The following NEBL variants were observed in gnomAD, a reference collection of about 807,000 sequenced individuals.
NEBL encodes the protein LIM and SH3 protein 2.
Under a neutral mutation model 140.2 loss-of-function variants are expected in NEBL, and 122 were observed. The ratio of observed to expected loss-of-function variants is 0.87; its 90% CI spans 0.75 to 1.01. NEBL has a LOEUF of 1.01. Among genes scored for constraint, NEBL ranks in the 50% least tolerant of loss-of-function variants. NEBL has a pLI of 0.00. For missense variants in NEBL, 1,365 were observed against 1,231.3 expected, an observed-to-expected ratio of 1.11 and a Z score of -1.62; for synonymous variants, 436 against 398.9, an observed-to-expected ratio of 1.09 and a Z score of -1.11.
At chr10:20,854,877 C>T (rs748957596) in intron 9 of NEBL, among the ~76,000 whole-genome samples, 9 of 151,974 alleles carry the variant, frequency 5.9e-5, no homozygotes, top group Non-Finnish European at 8.8e-5. Flanking sequence ...CAGAGTACAT[C>T]GTGATGGAAG....
rs140943705 is a variant in NEBL at position 20,868,691 on chromosome 10, G to A, written c.657C>T (p.Ala219=). The A allele has an allele frequency of 1.7e-5, 28 of 1,611,602 alleles. No homozygotes were observed. Among genetic ancestry groups the A allele is most frequent in the African/African-American group, 2.7e-5 (2 of 74,912 alleles). Residue 219 remains alanine, a synonymous_variant, in exon 7 of 28, where the codon GCC becomes GCT. Transcript: ENST00000377122. Reference sequence around the variant, plus strand: ...GACTAGAAAGTTTAGAAGCTTCCACGGCATGTTCAAAATCTGGTCTTCCAA... The same window carrying A: ...GACTAGAAAGTTTAGAAGCTTCCACAGCATGTTCAAAATCTGGTCTTCCAA... ...AVIGRPDFEH[A]VEASKLSSQI... is the part of the protein sequence containing the mutation.
At position 20,817,627 on chromosome 10, in the gene NEBL, T is replaced by C; in HGVS notation, c.2121A>G (p.Ala707=). ...AISDPPELKR[A]KENQKNISNV... is the part of the protein sequence containing the mutation. ...TGCTGATGTTTTTCTGGTTTTCTTT[T>C]GCCCTCTTCAGCTCTGGTGGATCAG... Residue 707 remains alanine (A), a synonymous_variant, in exon 21 of 28, where the codon GCA becomes GCG. Transcript: ENST00000377122. 1 of 1,613,908 alleles carries C rather than the reference T, an allele frequency of 6.2e-7. No individual in the cohort carries two copies. Among genetic ancestry groups the C allele is most frequent in the Non-Finnish European group, 8.5e-7 (1 of 1,179,746 alleles).
At chr10:21,234,409 A>G (rs74516593) in intron 3 of NEBL, among the ~76,000 whole-genome samples, 4,812 of 152,108 alleles carry the variant, frequency 0.032, 253 homozygotes, top group African/African-American at 0.11. Flanking sequence ...CTCTCTCTTC[A>G]TGTAATTCAC....
At chr10:20,972,049 A>T (rs917032382) in intron 3 of NEBL, among the ~76,000 whole-genome samples, 3 of 152,378 alleles carry the variant, frequency 2.0e-5, no homozygotes, top group Middle Eastern at 3.4e-3. Context: ...GAAATAAGTA[A>T]TTTCCAGTTA....
intron 4 of NEBL, among the ~76,000 whole-genome samples, chr10:20,947,141 A>T (rs546510896): frequency 6.6e-6 from 1 of 152,276 alleles, no homozygotes; most frequent in South Asian, 2.1e-4. Flanking sequence ...TTTCTGAATG[A>T]CTGGGAATTT....
chr10:21,059,032 G>T (rs1245484595), intron 2 of NEBL, among the ~76,000 whole-genome samples: 3 of 152,084 alleles, frequency 2.0e-5, no homozygotes, highest in Non-Finnish European at 4.4e-5. Flanking sequence ...AAACATGAAA[G>T]ATTATAATCC....
intron 4 of NEBL, among the ~76,000 whole-genome samples, chr10:20,905,477 A>C (rs1015681155): frequency 6.6e-6 from 1 of 152,110 alleles, no homozygotes; most frequent in African/African-American, 2.4e-5. Flanking sequence ...CTGCCTTATA[A>C]AACCATCAGA....
chr10:21,070,490 T>C (rs1443613279), intron 2 of NEBL, among the ~76,000 whole-genome samples: 1 of 152,196 alleles, frequency 6.6e-6, no homozygotes, highest in Non-Finnish European at 1.5e-5. Context: ...CAATTCCTAC[T>C]TGGACTAAAT....
chr10:21,243,286 T>A (rs1842465339), intron 3 of NEBL, among the ~76,000 whole-genome samples: 1 of 148,074 alleles, frequency 6.8e-6, no homozygotes, highest in Non-Finnish European at 1.5e-5. Flanking sequence ...TTCCCCTGGG[T>A]GATTGAGCAT....
chr10:20,900,950 G>A (rs569616684), upstream of NEBL, among the ~76,000 whole-genome samples: 20 of 151,814 alleles, frequency 1.3e-4, no homozygotes, highest in Non-Finnish European at 2.4e-4. Context: ...CCCGGGAGGC[G>A]GAGGTTGCAG....
chr10:21,120,405 T>TAA (rs1564518080), intron 2 of NEBL, among the ~76,000 whole-genome samples: 2 of 122,286 alleles, frequency 1.6e-5, no homozygotes, highest in African/African-American at 7.3e-5. Context: ...TATATATATA[T>TAA]ATATATATAT....
intron 3 of NEBL, among the ~76,000 whole-genome samples, chr10:20,964,163 C>T (rs916496554): frequency 1.3e-5 from 2 of 152,122 alleles, no homozygotes; most frequent in African/African-American, 4.8e-5. Context: ...TTTGCCCTCA[C>T]ATGACCTCAT....
At chr10:20,895,042 C>A (rs57738141) in intron 2 of NEBL, among the ~76,000 whole-genome samples, 5,288 of 151,710 alleles carry the variant, frequency 0.035, 316 homozygotes, top group African/African-American at 0.12. Context: ...CTATCTGTTT[C>A]ATTTTACCTA....
intron 13 of NEBL, among the ~76,000 whole-genome samples, chr10:20,837,170 A>T (rs1396662831): frequency 6.6e-6 from 1 of 152,202 alleles, no homozygotes; most frequent in African/African-American, 2.4e-5. Context: ...TCAAAAGCCA[A>T]CACAGGCCCA....
intron 5 of NEBL, among the ~76,000 whole-genome samples, chr10:20,871,060 T>G (rs538313509): frequency 5.9e-5 from 9 of 152,326 alleles, no homozygotes; most frequent in African/African-American, 2.2e-4. Flanking sequence ...TTAAAATATA[T>G]TCTATTAAAG....
At chr10:21,081,522 T>C (rs1224281460) in intron 2 of NEBL, among the ~76,000 whole-genome samples, 2 of 152,150 alleles carry the variant, frequency 1.3e-5, no homozygotes, top group African/African-American at 4.8e-5. Flanking sequence ...ATAAAGAAAT[T>C]GATATTTAAC....
At chr10:20,951,353 T>G (rs1282493907) in intron 4 of NEBL, among the ~76,000 whole-genome samples, 1 of 138,762 alleles carries the variant, frequency 7.2e-6, no homozygotes. Flanking sequence ...CTGACAACCA[T>G]GAATGGAAAG....
intron 3 of NEBL, among the ~76,000 whole-genome samples, chr10:21,243,371 A>G (rs1000722354): frequency 3.3e-5 from 5 of 149,304 alleles, no homozygotes; most frequent in African/African-American, 1.2e-4. Flanking sequence ...CAGTGGTACA[A>G]TCTCAGCTCA....
intron 4 of NEBL, among the ~76,000 whole-genome samples, chr10:20,915,848 C>T (rs570792446): frequency 3.9e-4 from 60 of 152,306 alleles, no homozygotes; most frequent in African/African-American, 1.4e-3. Context: ...TCCCCAAGGG[C>T]AGGCTCTGAA....
Sources: gnomAD v4.1 joint callset for allele counts (sites outside exome capture counted in the v4.1 genomes callset) on GRCh38, gnomAD v4.1.1 for gene constraint, MANE v1.5 for transcripts, NCBI Gene and HGNC (gene_info 2026-07-23, HGNC 2026-07-21) for gene names.